SHANK2: variants seen among roughly 807,000 people sequenced by gnomAD.
SHANK2 encodes the protein SH3 and multiple ankyrin repeat domains protein 2.
SHANK2 carries 43 observed loss-of-function variants against 133.7 expected under a neutral mutation model. The observed-to-expected ratio is 0.32, with a 90% confidence interval of 0.25 to 0.41. SHANK2 has a LOEUF of 0.41. Among genes scored for constraint, SHANK2 ranks in the 10% least tolerant of loss-of-function variants. The pLI is 1.00. For synonymous variants in SHANK2, 1,017 were observed against 952.8 expected (o/e 1.07, Z -1.24); for missense variants, 1,994 against 2,235.8 (o/e 0.89, Z 2.18).
At chr11:70,576,326 G>A (rs1003684181) in intron 17 of SHANK2, among the ~76,000 whole-genome samples, 2 of 152,226 alleles carry the variant, frequency 1.3e-5, no homozygotes, top group Non-Finnish European at 1.5e-5. Context: ...GGAGAGAGCC[G>A]TGCCAGTGGG....
At chr11:70,909,475 C>G (rs529707873) in intron 10 of SHANK2, among the ~76,000 whole-genome samples, 1 of 152,192 alleles carries the variant, frequency 6.6e-6, no homozygotes, top group Non-Finnish European at 1.5e-5. Context: ...TTACCCAACA[C>G]GACACGCAGC....
chr11:70,684,545 G>A (rs1472197140), intron 15 of SHANK2, among the ~76,000 whole-genome samples: 1 of 152,166 alleles, frequency 6.6e-6, no homozygotes, highest in Non-Finnish European at 1.5e-5. Flanking sequence ...GGGCGACAGA[G>A]GGAAACCCTG....
At position 70,820,396 on chromosome 11, in the gene SHANK2, G is replaced by A. The variant is rs573430280; in HGVS notation, c.1461C>T (p.Asp487=). The A allele has an allele frequency of 1.8e-4, 123 of 674,492 alleles. No individual in the cohort carries two copies. The highest frequency in any genetic ancestry group is 1.5e-3 in the African/African-American group (82 of 56,176). The allele number at this position is 674,492 out of a possible 1,614,324, so 41.8% of individuals were successfully genotyped here. ...SLNRLGGAGE[D]GKRPQPLWHV... is the part of the protein sequence containing the mutation. Reference sequence around the variant, plus strand: ...GCCAGAGAGGCTGCGGCCTCTTGCCGTCCTCGCCTGCGCCGCCCAGCCTGT... The same window carrying A: ...GCCAGAGAGGCTGCGGCCTCTTGCCATCCTCGCCTGCGCCGCCCAGCCTGT... The change falls in exon 12 of 26, where the codon GAC becomes GAT. Residue 487 remains aspartate, a synonymous_variant. Transcript: ENST00000601538.
At chr11:70,794,899 G>C (rs1426802933) in intron 14 of SHANK2, among the ~76,000 whole-genome samples, 1 of 151,990 alleles carries the variant, frequency 6.6e-6, no homozygotes, top group Non-Finnish European at 1.5e-5. Flanking sequence ...TGGAGACGTG[G>C]GTATATACAT....
In SHANK2 at chr11:70,599,905, G is replaced by GAAAGAAAA. The variant is rs1466206835; in HGVS notation, c.2061+59922_2061+59923insTTTTCTTT. On this transcript the variant is annotated intron_variant, in intron 17 of 25. Transcript: ENST00000601538. ...AAAGAAAGAAAAAGAAAGAAAGAAA[G>GAAAGAAAA]AGAAAGAAAGAAAGAAAGAAAGAAA... 2.7e-3 allele frequency among the ~76,000 whole-genome samples: 197 copies of GAAAGAAAA among 73,704 alleles called. 2 individuals carry two copies. The highest frequency in any genetic ancestry group is 4.8e-3 in the African/African-American group (79 of 16,510). 48.4% of individuals were successfully genotyped at this position (73,704 alleles called of 152,430 possible). A position where few individuals can be genotyped will look rare whatever the true frequency, so the allele number is the denominator to read the frequency against.
intron 17 of SHANK2, among the ~76,000 whole-genome samples, chr11:70,562,374 A>C (rs1391484840): frequency 6.6e-6 from 1 of 152,188 alleles, no homozygotes. Flanking sequence ...ACAGAAGGAG[A>C]AGTGATTATA....
intron 25 of SHANK2, among the ~76,000 whole-genome samples, chr11:70,482,863 G>A (rs1175308579): frequency 6.6e-6 from 1 of 152,238 alleles, no homozygotes; most frequent in African/African-American, 2.4e-5. Context: ...AGAAATGCAG[G>A]GCAGAGAAAC....
chr11:70,856,270 A>G (rs1949170374), intron 11 of SHANK2, among the ~76,000 whole-genome samples: 1 of 151,336 alleles, frequency 6.6e-6, no homozygotes, highest in Admixed American at 6.6e-5. Context: ...GGGTGAGTGA[A>G]TAAGTGGGCA....
chr11:70,470,404 C>T lies in SHANK2; in HGVS notation c.*2465G>A, dbSNP rs1313384832. On this transcript the variant is annotated 3_prime_UTR_variant, in exon 26 of 26. Transcript: ENST00000601538. ...AACTGGCTGCCAAAGTTCAACAAACCGAAGTCACGAGTTTCGACTGGTTAT... is the reference window on the plus strand; with the variant it reads ...AACTGGCTGCCAAAGTTCAACAAACTGAAGTCACGAGTTTCGACTGGTTAT... 6.6e-6 allele frequency: 1 copy of T among 152,312 alleles called. No individual in the cohort carries two copies. The highest frequency in any genetic ancestry group is 2.4e-5 in the African/African-American group (1 of 41,438). The allele number at this position is 152,312 out of a possible 1,614,324, so 9.4% of individuals were successfully genotyped here.
intron 6 of SHANK2, among the ~76,000 whole-genome samples, chr11:71,095,806 G>A (rs1951599874): frequency 1.3e-5 from 2 of 152,240 alleles, no homozygotes; most frequent in South Asian, 4.1e-4. Flanking sequence ...ACTTCATGGT[G>A]ATATGCACAT....
chr11:70,788,918 G>A (rs953384351), intron 14 of SHANK2, among the ~76,000 whole-genome samples: 1 of 152,142 alleles, frequency 6.6e-6, no homozygotes, highest in Non-Finnish European at 1.5e-5. Context: ...CCACCCTGTC[G>A]GGTCCACACG....
chr11:70,796,602 G>A (rs1191680085), intron 14 of SHANK2, among the ~76,000 whole-genome samples: 1 of 152,224 alleles, frequency 6.6e-6, no homozygotes, highest in Non-Finnish European at 1.5e-5. Context: ...AAGTGAGGCA[G>A]GGGAAGGTTG....
intron 17 of SHANK2, among the ~76,000 whole-genome samples, chr11:70,618,463 G>T (rs1242891892): frequency 2.6e-5 from 4 of 152,124 alleles, no homozygotes; most frequent in African/African-American, 9.7e-5. Flanking sequence ...AGGAAGGAAC[G>T]TTCTAGAATC....
intron 14 of SHANK2, among the ~76,000 whole-genome samples, chr11:70,713,946 A>G (rs11237269): frequency 0.4 from 60,164 of 152,082 alleles, 12,331 homozygotes; most frequent in Non-Finnish European, 0.46. Context: ...CCTTGTGGCC[A>G]TGCTAAGTGC....
intron 11 of SHANK2, among the ~76,000 whole-genome samples, chr11:70,827,728 C>A (rs888721309): frequency 7.8e-6 from 1 of 127,878 alleles, no homozygotes; most frequent in African/African-American, 2.9e-5. Flanking sequence ...CACACACACA[C>A]AACCAGAGAA....
chr11:70,805,380 C>T (rs557035472), intron 13 of SHANK2, among the ~76,000 whole-genome samples: 13 of 152,178 alleles, frequency 8.5e-5, no homozygotes, highest in Admixed American at 7.9e-4. Context: ...GTGTGCAGAC[C>T]GGTCAGAAAA....
At chr11:70,682,247 C>A (rs1591744299) in intron 15 of SHANK2, among the ~76,000 whole-genome samples, 1 of 152,186 alleles carries the variant, frequency 6.6e-6, no homozygotes, top group Non-Finnish European at 1.5e-5. Flanking sequence ...GTCCACCCCA[C>A]CCCCGGACGG....
chr11:70,689,236 G>A (rs1270376960), intron 15 of SHANK2, among the ~76,000 whole-genome samples: 1 of 152,204 alleles, frequency 6.6e-6, no homozygotes, highest in Non-Finnish European at 1.5e-5. Context: ...AGACAGGTTG[G>A]AAGTTAAGGA....
chr11:71,069,883 CTGTG>C (rs1244003746), intron 9 of SHANK2, among the ~76,000 whole-genome samples: 1 of 152,122 alleles, frequency 6.6e-6, no homozygotes, highest in East Asian at 1.9e-4. Flanking sequence ...CCTGCATGCC[CTGTG>C]TGTGTGTGCC....
Sources: allele counts gnomAD v4.1 joint callset (sites outside exome capture counted in the v4.1 genomes callset), GRCh38; gene constraint gnomAD v4.1.1; transcripts MANE v1.5; gene names NCBI Gene and HGNC (gene_info 2026-07-23, HGNC 2026-07-21).